The following DLG2 variants were observed in gnomAD, a reference collection of about 807,000 sequenced individuals.
DLG2 encodes disks large homolog 2.
DLG2 carries 45 observed loss-of-function variants against 132.5 expected under a neutral mutation model. That is an observed-to-expected ratio of 0.34 (90% confidence interval 0.27 to 0.44). The LOEUF is 0.44. DLG2 is among the 20% of genes least tolerant of loss of function. DLG2 has a pLI of 1.00. For synonymous variants in DLG2, 424 were observed against 419.6 expected (o/e 1.01, Z -0.13); for missense variants, 1,045 against 1,196.9 (o/e 0.87, Z 1.87).
intron 7 of DLG2, among the ~76,000 whole-genome samples, chr11:84,256,119 AATAG>A (rs1363174520): frequency 2.7e-5 from 4 of 148,260 alleles, no homozygotes; most frequent in Non-Finnish European, 5.9e-5. Context: ...TTATACTAGT[AATAG>A]ATACACTTTT....
At chr11:84,258,657 A>G (rs1019148904) in intron 7 of DLG2, among the ~76,000 whole-genome samples, 4 of 152,230 alleles carry the variant, frequency 2.6e-5, no homozygotes, top group Non-Finnish European at 5.9e-5. Flanking sequence ...GCCTAAGGTC[A>G]CAAATCTAAG....
chr11:83,954,286 T>G (rs1178921028), intron 14 of DLG2, among the ~76,000 whole-genome samples: 1 of 152,230 alleles, frequency 6.6e-6, no homozygotes, highest in Non-Finnish European at 1.5e-5. Context: ...CTCTCTCTGC[T>G]TCCTACTTCT....
chr11:83,991,256 G>A (rs2154182793), intron 11 of DLG2, among the ~76,000 whole-genome samples: 1 of 152,198 alleles, frequency 6.6e-6, no homozygotes, highest in East Asian at 1.9e-4. Flanking sequence ...AATTTCTAAG[G>A]CACTGACAAA....
chr11:84,656,048 T>C (rs2154547324), intron 6 of DLG2, among the ~76,000 whole-genome samples: 1 of 152,254 alleles, frequency 6.6e-6, no homozygotes, highest in Admixed American at 6.5e-5. Context: ...TCAATTTTCA[T>C]TATGTACAAG....
chr11:84,519,769 T>A (rs967059111), intron 7 of DLG2, among the ~76,000 whole-genome samples: 2 of 152,186 alleles, frequency 1.3e-5, no homozygotes, highest in Admixed American at 1.3e-4. Flanking sequence ...AAAATAGGAA[T>A]CATAGTTTCT....
chr11:84,098,810 A>G (rs2092117580), intron 10 of DLG2, 113 bp downstream of exon 10: 1 of 1,260,284 alleles, frequency 7.9e-7, no homozygotes, highest in South Asian at 1.4e-5. Flanking sequence ...TGCCTTAAAA[A>G]TCTCTTTCAA....
rs112473769 is a variant in DLG2 at position 83,810,445 on chromosome 11, T to C, written c.1722+23169A>G. On this transcript the variant is annotated intron_variant, in intron 17 of 27. Coordinates refer to ENST00000376104, the MANE Select transcript of DLG2 (RefSeq NM_001142699.3). ...TGAGTAGATAATACCTTAGCACATT[T>C]ATGTTCCTAAAGGAAGAAAAATCCA... Among the ~76,000 whole-genome samples, 75 of 152,250 alleles carry C rather than the reference T, an allele frequency of 4.9e-4. 1 individual carries two copies. The highest frequency in any genetic ancestry group is 1.7e-3 in the African/African-American group (72 of 41,576).
chr11:83,721,563 G>A (rs1225047072), intron 18 of DLG2, among the ~76,000 whole-genome samples: 1 of 152,186 alleles, frequency 6.6e-6, no homozygotes, highest in African/African-American at 2.4e-5. Flanking sequence ...AAGCATACTT[G>A]TTTTGCCTCC....
At chr11:84,743,791 C>T (rs2065001810) in intron 6 of DLG2, among the ~76,000 whole-genome samples, 2 of 151,764 alleles carry the variant, frequency 1.3e-5, no homozygotes, top group African/African-American at 4.8e-5. Flanking sequence ...GTGGCACGAT[C>T]TTGGCTCACT....
intron 7 of DLG2, among the ~76,000 whole-genome samples, chr11:84,420,650 CTTTTTTTTTTTTTTTTTTTTTTTTT>C (rs768420271): frequency 4.7e-5 from 2 of 42,208 alleles, no homozygotes; most frequent in Non-Finnish European, 9.5e-5. Context: ...TGCTTGTTTT[CTTTTTTTTTTTTTTTTTTTTTTTTT>C]TTTTTTTTTT....
rs116566984 is a variant in DLG2 at position 85,566,878 on chromosome 11, A to T, written c.40+31779T>A. Among the ~76,000 whole-genome samples, 484 of 152,162 alleles carry T rather than the reference A, an allele frequency of 3.2e-3. 2 individuals carry two copies. The highest frequency in any genetic ancestry group is 0.011 in the African/African-American group (466 of 41,532). ...TGTGGAGTAGGGACCCAAATTCATT[A>T]TTTTTCATGGAGCTAGCTATATGTC... On this transcript the variant is annotated intron_variant, in intron 3 of 27. Transcript: ENST00000376104.
chr11:85,220,905 T>G (rs184891510), intron 4 of DLG2, among the ~76,000 whole-genome samples: 1 of 152,128 alleles, frequency 6.6e-6, no homozygotes, highest in Non-Finnish European at 1.5e-5. Context: ...ACTATCAAAC[T>G]ATTTTATTTA....
At chr11:84,750,515 A>G (rs2153834309) in intron 6 of DLG2, among the ~76,000 whole-genome samples, 1 of 152,188 alleles carries the variant, frequency 6.6e-6, no homozygotes, top group South Asian at 2.1e-4. Context: ...TTCCAAATTT[A>G]TTTTTAAAAA....
In DLG2 at chr11:83,725,779, T is replaced by G. The variant is rs964372533; in HGVS notation, c.1825+60911A>C. On this transcript the variant is annotated intron_variant, in intron 18 of 27. Transcript: ENST00000376104. The stretch of plus-strand genomic sequence containing the variant: ...TTTTGATGTGTGCTATATATGCATT[T>G]GAAGCCAAAGCACAGATGTTGATAT... Among the ~76,000 whole-genome samples the G allele has an allele frequency of 8.5e-5, 13 of 152,356 alleles. No homozygotes were observed. In the South Asian group the frequency reaches 1.2e-3, roughly 15 times the overall value.
At chr11:85,272,891 G>A (rs1367220867) in intron 4 of DLG2, among the ~76,000 whole-genome samples, 4 of 152,086 alleles carry the variant, frequency 2.6e-5, no homozygotes, top group Non-Finnish European at 5.9e-5. Flanking sequence ...GCATGGTACT[G>A]GTACCAAAAC....
chr11:84,334,761 G>A (rs1473073050), intron 7 of DLG2, among the ~76,000 whole-genome samples: 2 of 152,076 alleles, frequency 1.3e-5, no homozygotes, highest in East Asian at 3.9e-4. Flanking sequence ...AATAACCTCA[G>A]AGATAATAAT....
At chr11:83,827,904 G>A (rs1169737397) in intron 17 of DLG2, among the ~76,000 whole-genome samples, 7 of 152,092 alleles carry the variant, frequency 4.6e-5, no homozygotes, top group South Asian at 4.1e-4. Context: ...ACTGAATTCC[G>A]TTCTGCAACA....
intron 14 of DLG2, among the ~76,000 whole-genome samples, chr11:83,951,848 T>C (rs1266842839): frequency 6.6e-6 from 1 of 152,176 alleles, no homozygotes; most frequent in Non-Finnish European, 1.5e-5. Context: ...AGGGAGCTAT[T>C]GCAATAATTA....
At chr11:84,894,569 T>C (rs1283855899) in intron 6 of DLG2, among the ~76,000 whole-genome samples, 3 of 152,144 alleles carry the variant, frequency 2.0e-5, no homozygotes, top group South Asian at 2.1e-4. Context: ...GAAAAAGAAC[T>C]CTACATTCTT....
Sources: gnomAD v4.1 joint callset for allele counts (sites outside exome capture counted in the v4.1 genomes callset) on GRCh38, gnomAD v4.1.1 for gene constraint, MANE v1.5 for transcripts, NCBI Gene and HGNC (gene_info 2026-07-23, HGNC 2026-07-21) for gene names.